LAMC1: variants seen among roughly 807,000 people sequenced by gnomAD.
LAMC1 encodes laminin subunit gamma-1.
A neutral mutation model predicts 173.6 loss-of-function variants in LAMC1; 38 were observed. The ratio of observed to expected loss-of-function variants is 0.22; its 90% CI spans 0.17 to 0.29. The LOEUF is 0.29. Ranked by LOEUF, LAMC1 falls within the 10% of genes least tolerant of loss-of-function variation. The pLI is 1.00. For missense variants in LAMC1, 1,824 were observed against 2,051.8 expected (o/e 0.89, Z 2.14); for synonymous variants, 746 against 749.1 (o/e 1.00, Z 0.07).
At chr1:183,142,049 A>G (rs1191347811) in intron 27 of LAMC1, among the ~76,000 whole-genome samples, 2 of 152,206 alleles carry the variant, frequency 1.3e-5, no homozygotes, top group Non-Finnish European at 2.9e-5. Flanking sequence ...GGCTCCTAAT[A>G]GTGTCTAACT....
intron 1 of LAMC1, among the ~76,000 whole-genome samples, chr1:183,081,459 A>G (rs1016293202): frequency 6.6e-5 from 10 of 151,744 alleles, no homozygotes; most frequent in African/African-American, 1.9e-4. Context: ...TTAGCTGGGC[A>G]TGGTGGCACA....
intron 3 of LAMC1, among the ~76,000 whole-genome samples, chr1:183,109,287 T>G (rs1298673327): frequency 1.3e-5 from 2 of 152,166 alleles, no homozygotes; most frequent in African/African-American, 4.8e-5. Flanking sequence ...AAGAAAACAG[T>G]GGGCCAGGAG....
Position 183,110,667 on chromosome 1 carries a change from T to A in LAMC1, c.1021+13T>A, listed in dbSNP as rs760571914. On this transcript the variant is annotated intron_variant, in intron 4 of 27. Coordinates refer to ENST00000258341, the MANE Select transcript of LAMC1 (RefSeq NM_002293.4). ...AGTGAATGCCTGCGTGAGTGCCCCA[T>A]GACGTCAGTCTGTCAGTTGTCTTAA... 3 of 1,612,632 alleles carry A rather than the reference T, an allele frequency of 1.9e-6. No individual in the cohort carries two copies. The South Asian group carries it at 3.3e-5, about 18-fold the overall frequency.
At chr1:183,124,592 A>C in intron 13 of LAMC1, 39 bp from the exon 14 acceptor site, 1 of 1,612,362 alleles carries the variant, frequency 6.2e-7, no homozygotes, top group Non-Finnish European at 8.5e-7. Context: ...AAAATGTCTA[A>C]GGCCTTTCTT....
Position 183,036,455 on chromosome 1 carries a change from T to C in LAMC1, c.418+12321T>C, listed in dbSNP as rs1350774439. Among the ~76,000 whole-genome samples, 6 of 137,790 alleles carry C rather than the reference T, an allele frequency of 4.4e-5. No individual in the cohort carries two copies. In the East Asian group the frequency reaches 1.3e-3, roughly 30 times the overall value. 90.4% of individuals were successfully genotyped at this position (137,790 alleles called of 152,430 possible). ...TTTCGCTCTGTCACCCAGGCTGGAG[T>C]GCAATGGCGTGATCTCGGCACACTG... On this transcript the variant is annotated intron_variant, in intron 1 of 27. Transcript: ENST00000258341.
In LAMC1 at chr1:183,117,370, G is replaced by A. The variant is rs147897130; in HGVS notation, c.1615G>A (p.Glu539Lys). The part of the protein sequence containing the change: ...EQRDGSEASL[E>K]WSSERQDIAV... ...GAGAGATGGCTCTGAAGCATCTCTC[G>A]AGTGGTCCTCTGAGAGGCAAGATAT... is the stretch of plus-strand genomic sequence containing the variant. The change falls in exon 9 of 28, where the codon GAG becomes AAG. Residue 539 changes from glutamate (E) to lysine (K), a missense_variant. Physicochemically the swap from Glu to Lys is moderately conservative, Grantham distance 56 (BLOSUM62 1). Transcript: ENST00000258341. 6.2e-6 allele frequency: 10 copies of A among 1,613,672 alleles called. No individual in the cohort carries two copies. The highest frequency in any genetic ancestry group is 1.6e-4 in the Middle Eastern group (1 of 6,062).
chr1:183,137,975 T>A, intron 26 of LAMC1, 148 bp downstream of exon 26: 1 of 708,048 alleles, frequency 1.4e-6, no homozygotes, highest in Non-Finnish European at 2.1e-6. Flanking sequence ...GTAGCTTACA[T>A]AGAAGACAAA....
intron 1 of LAMC1, among the ~76,000 whole-genome samples, chr1:183,053,778 A>G (rs1372958641): frequency 1.3e-5 from 2 of 152,006 alleles, no homozygotes; most frequent in South Asian, 2.1e-4. Context: ...GGCGCACACC[A>G]TCATGCCTGG....
At chr1:183,137,860 G>C (rs1338050124) in intron 26 of LAMC1, 33 bp downstream of exon 26, 9 of 1,564,216 alleles carry the variant, frequency 5.8e-6, no homozygotes, top group Non-Finnish European at 6.1e-6. Flanking sequence ...CTCATTGGCA[G>C]AAAGTGAACA....
rs201754038 is a variant in LAMC1 at position 183,044,928 on chromosome 1, T to TA, written c.418+20807dup. On this transcript the variant is annotated intron_variant, in intron 1 of 27. Transcript: ENST00000258341. ...GTCATGAAGTTGGTGTCTCAATGCT[T>TA]AAAAAAAAAAAAAGATCCACTAAAG... Among the ~76,000 whole-genome samples the TA allele has an allele frequency of 2.9e-3, 408 of 142,668 alleles. 5 individuals are homozygous for TA. In the East Asian group the frequency reaches 0.039, roughly 14 times the overall value. The allele number at this position is 142,668 out of a possible 152,430, so 93.6% of individuals were successfully genotyped here. A position where few individuals can be genotyped will look rare whatever the true frequency, so the allele number is the denominator to read the frequency against.
At chr1:183,067,297 A>C (rs1161018289) in intron 1 of LAMC1, among the ~76,000 whole-genome samples, 1 of 152,084 alleles carries the variant, frequency 6.6e-6, no homozygotes, top group Non-Finnish European at 1.5e-5. Flanking sequence ...AGTTTTGTTT[A>C]GAATTCTTTT....
At chr1:183,114,864 C>G in intron 5 of LAMC1, 145 bp downstream of exon 5, 1 of 806,440 alleles carries the variant, frequency 1.2e-6, no homozygotes, top group Non-Finnish European at 1.9e-6. Flanking sequence ...AGATCTGTCT[C>G]TACCCCATGC....
intron 1 of LAMC1, among the ~76,000 whole-genome samples, chr1:183,060,168 A>G (rs1469907236): frequency 6.6e-6 from 1 of 152,120 alleles, no homozygotes; most frequent in Non-Finnish European, 1.5e-5. Context: ...ATGTAGCTAG[A>G]CTTTTAAGTC....
chr1:183,028,162 C>A (rs1316041438), intron 1 of LAMC1, among the ~76,000 whole-genome samples: 1 of 151,290 alleles, frequency 6.6e-6, no homozygotes, highest in Non-Finnish European at 1.5e-5. Context: ...CTCCCCCCCC[C>A]CACCTCTTCC....
intron 15 of LAMC1, 88 bp downstream of exon 15, chr1:183,125,638 G>A (rs1571457897): frequency 2.9e-6 from 3 of 1,027,112 alleles, no homozygotes; most frequent in Non-Finnish European, 4.2e-6. Flanking sequence ...ATAATTGACT[G>A]TTCAGAAATT....
intron 1 of LAMC1, among the ~76,000 whole-genome samples, chr1:183,078,215 G>T (rs955004309): frequency 6.6e-6 from 1 of 152,090 alleles, no homozygotes; most frequent in Admixed American, 6.6e-5. Flanking sequence ...ATGTGCTTAA[G>T]GCCCAAAGCT....
At chr1:183,038,037 A>ATTT (rs35049638) in intron 1 of LAMC1, among the ~76,000 whole-genome samples, 3,000 of 136,928 alleles carry the variant, frequency 0.022, 81 homozygotes, top group African/African-American at 0.053. Flanking sequence ...CATTGTATGT[A>ATTT]TTTTTTTTTT....
chr1:183,039,049 G>A (rs908980907), intron 1 of LAMC1, among the ~76,000 whole-genome samples: 1 of 152,146 alleles, frequency 6.6e-6, no homozygotes. Flanking sequence ...GTAGACTCGT[G>A]CATCTGTGCT....
chr1:183,030,137 G>A (rs1477759880), intron 1 of LAMC1, among the ~76,000 whole-genome samples: 1 of 152,162 alleles, frequency 6.6e-6, no homozygotes, highest in Non-Finnish European at 1.5e-5. Flanking sequence ...AAGTTTTGTT[G>A]GAGCACAGTT....
Sources: allele counts gnomAD v4.1 joint callset (sites outside exome capture counted in the v4.1 genomes callset), GRCh38; gene constraint gnomAD v4.1.1; transcripts MANE v1.5; gene names NCBI Gene and HGNC (gene_info 2026-07-23, HGNC 2026-07-21).